The following COL5A1 variants were observed in gnomAD, a reference collection of about 807,000 sequenced individuals.
COL5A1 encodes collagen alpha-1(V) chain.
In COL5A1, 16 loss-of-function variants were observed where a neutral mutation model predicts 263.7. The observed-to-expected ratio is 0.06, with a 90% CI of 0.04 to 0.09. COL5A1 has a LOEUF of 0.09. COL5A1 is among the 10% of genes least tolerant of loss of function. The probability of loss-of-function intolerance (pLI) is 1.00; values close to 1 mark genes in which losing one functional copy is unlikely to be tolerated. For missense variants in COL5A1, 2,036 were observed against 2,540.5 expected, an observed-to-expected ratio of 0.80 and a Z score of 4.27; for synonymous variants, 1,012 against 1,004.5, an observed-to-expected ratio of 1.01 and a Z score of -0.14.
chr9:134,701,419 C>G (rs1002895119), intron 4 of COL5A1, 86 bp downstream of exon 4: 3 of 1,390,742 alleles, frequency 2.2e-6, no homozygotes, highest in Non-Finnish European at 3.0e-6. Flanking sequence ...GGAGGCTCCT[C>G]GGGCCGGGAC....
In COL5A1 at chr9:134,731,498, A is replaced by C; in HGVS notation, c.1167A>C (p.Pro389=). 1 of 1,614,156 alleles carries C rather than the reference A, an allele frequency of 6.2e-7. No individual in the cohort carries two copies. Among genetic ancestry groups the C allele is most frequent in the Non-Finnish European group, 8.5e-7 (1 of 1,180,014 alleles). Residue 389 remains proline, a splice_region_variant and synonymous_variant, in exon 8 of 66, where the codon CCA becomes CCC. Coordinates refer to ENST00000371817, the MANE Select transcript of COL5A1 (RefSeq NM_000093.5). Reference sequence around the variant, plus strand: ...TGCGCCTTCCTCTCCCTCTGCAGCCAGCTCCGCCTCCAGGGGAAGGTGCGG... The same window carrying C: ...TGCGCCTTCCTCTCCCTCTGCAGCCCGCTCCGCCTCCAGGGGAAGGTGCGG... ...STADTSNSSN[P]APPPGEGADD... is the part of the protein sequence containing the mutation.
At chr9:134,725,868 G>A (rs1450659325) in intron 4 of COL5A1, among the ~76,000 whole-genome samples, 2 of 152,166 alleles carry the variant, frequency 1.3e-5, no homozygotes, top group African/African-American at 4.8e-5. Context: ...TAGACATGTG[G>A]GTTGCATTTA....
rs556067439 is a variant in COL5A1, at chr9:134,820,420, G to A, written c.4554+197G>A. 2.3e-3 allele frequency among the ~76,000 whole-genome samples: 352 copies of A among 152,286 alleles called. 3 individuals are homozygous for A. Among genetic ancestry groups the A allele is most frequent in the African/African-American group, 7.2e-3 (301 of 41,568 alleles). ...GGTGCACAGTGAGCTGGGCAGAGCC[G>A]TCTCCCAGCTCCATGCCCTGACTGG... On this transcript the variant is annotated intron_variant, in intron 58 of 65. Coordinates refer to ENST00000371817, the MANE Select transcript of COL5A1 (RefSeq NM_000093.5).
At chr9:134,831,933 T>C (rs1839648203) in intron 64 of COL5A1, among the ~76,000 whole-genome samples, 1 of 152,150 alleles carries the variant, frequency 6.6e-6, no homozygotes, top group South Asian at 2.1e-4. Context: ...GTGAATATCA[T>C]ACGTGGACAA....
At chr9:134,724,310 C>T (rs992280079) in intron 4 of COL5A1, among the ~76,000 whole-genome samples, 2 of 152,320 alleles carry the variant, frequency 1.3e-5, no homozygotes, top group South Asian at 2.1e-4. Context: ...TCAATGCTGC[C>T]GTTTTATGCT....
chr9:134,809,110 T>C, intron 42 of COL5A1, 73 bp from the exon 43 acceptor site: 1 of 1,263,808 alleles, frequency 7.9e-7, no homozygotes, highest in Non-Finnish European at 1.1e-6. Flanking sequence ...ATCCCTCTCT[T>C]GGGTAATGAG....
intron 11 of COL5A1, among the ~76,000 whole-genome samples, chr9:134,748,106 CAT>C (rs1564429138): frequency 2.5e-5 from 2 of 79,516 alleles, no homozygotes; most frequent in African/African-American, 9.4e-5. Flanking sequence ...TGCATCCACA[CAT>C]GCATACACAG....
rs2132639092 is a variant in COL5A1, at chr9:134,730,268, C to T, written c.957C>T (p.Pro319=). ...ELTPTPTEAA[P]MPETSEGAGK... is the part of the protein sequence containing the mutation. Reference sequence around the variant, plus strand: ...CCCCGACCCCCACGGAAGCTGCTCCCATGCCTGAAACCAGTGAAGGGGCTG... The same window carrying T: ...CCCCGACCCCCACGGAAGCTGCTCCTATGCCTGAAACCAGTGAAGGGGCTG... The change falls in exon 7 of 66, where the codon CCC becomes CCT. Residue 319 remains proline, a synonymous_variant. Coordinates refer to ENST00000371817, the MANE Select transcript of COL5A1 (RefSeq NM_000093.5). 6.2e-7 allele frequency: 1 copy of T among 1,614,178 alleles called. No individual in the cohort carries two copies. The highest frequency in any genetic ancestry group is 8.5e-7 in the Non-Finnish European group (1 of 1,180,034).
At chr9:134,780,639 G>T in intron 28 of COL5A1, among the ~76,000 whole-genome samples, 1 of 152,252 alleles carries the variant, frequency 6.6e-6, no homozygotes, top group East Asian at 1.9e-4. Flanking sequence ...GCCATGGTCC[G>T]TGGGGGCAGG....
intron 4 of COL5A1, among the ~76,000 whole-genome samples, chr9:134,721,728 A>G (rs950006383): frequency 2.0e-5 from 3 of 152,246 alleles, no homozygotes; most frequent in African/African-American, 7.2e-5. Context: ...TAGCTCGTGC[A>G]GCCATGGGGC....
intron 42 of COL5A1, among the ~76,000 whole-genome samples, chr9:134,807,453 C>A (rs531621420): frequency 1.3e-5 from 2 of 152,140 alleles, no homozygotes; most frequent in African/African-American, 4.8e-5. Flanking sequence ...GCTACCACAC[C>A]CGGCTACTTT....
intron 20 of COL5A1, 112 bp downstream of exon 20, chr9:134,763,849 G>A: frequency 1.8e-6 from 2 of 1,099,924 alleles, no homozygotes; most frequent in East Asian, 2.4e-5. Flanking sequence ...AAGAGAGAGA[G>A]CTCGACCTGA....
chr9:134,727,261 T>G lies in COL5A1; in HGVS notation c.655-5T>G. Reference sequence around the variant, plus strand: ...GCTTTTTCATGAGCGTCTCTTCTTTTCCAGGGTGACATCCAGCAGCTGCTC... The same window carrying G: ...GCTTTTTCATGAGCGTCTCTTCTTTGCCAGGGTGACATCCAGCAGCTGCTC... On this transcript the variant is annotated splice_polypyrimidine_tract_variant and splice_region_variant and intron_variant, in intron 4 of 65. Transcript: ENST00000371817. The G allele has an allele frequency of 1.2e-6, 2 of 1,613,602 alleles. No individual in the cohort carries two copies. Among genetic ancestry groups the G allele is most frequent in the Non-Finnish European group, 1.7e-6 (2 of 1,179,966 alleles).
intron 1 of COL5A1, among the ~76,000 whole-genome samples, chr9:134,653,834 G>A (rs1422279087): frequency 5.3e-5 from 8 of 151,792 alleles, no homozygotes; most frequent in South Asian, 2.1e-4. Context: ...GTGCAGGGCC[G>A]GGTGTCTGTA....
At chr9:134,835,472 C>T (rs1325742646) in intron 65 of COL5A1, among the ~76,000 whole-genome samples, 4 of 152,226 alleles carry the variant, frequency 2.6e-5, no homozygotes, top group African/African-American at 9.6e-5. Context: ...GTGGGTCCCT[C>T]GCCCCATCCA....
rs138945787 is a variant in COL5A1 at position 134,678,449 on chromosome 9, G to C, written c.110-12463G>C. On this transcript the variant is annotated intron_variant, in intron 1 of 65. Coordinates refer to ENST00000371817, the MANE Select transcript of COL5A1 (RefSeq NM_000093.5). This position sits in a 1 kb window ranked among gnomAD's most constrained non-coding sequence, Gnocchi z 5.5. ...AACAGGCTCATTGCAGTGGCCTGCC[G>C]CCCCGGTGTGTGTCCCTGACTCAGG... 6.6e-6 allele frequency among the ~76,000 whole-genome samples: 1 copy of C among 152,190 alleles called. No individual in the cohort carries two copies. The highest frequency in any genetic ancestry group is 2.4e-5 in the African/African-American group (1 of 41,430).
In COL5A1 at chr9:134,664,462, C is replaced by T. The variant is rs141601362; in HGVS notation, c.109+22166C>T. On this transcript the variant is annotated intron_variant, in intron 1 of 65. Coordinates refer to ENST00000371817, the MANE Select transcript of COL5A1 (RefSeq NM_000093.5). ...TACACCTATCTGACGGAAAGGGGGT[C>T]GACCTGCAAGGAACTCCCACTGATC... 5.5e-3 allele frequency among the ~76,000 whole-genome samples: 840 copies of T among 152,326 alleles called. 3 individuals are homozygous for T. Among genetic ancestry groups the T allele is most frequent in the Middle Eastern group, 0.021 (6 of 292 alleles).
chr9:134,836,384 A>AC (rs1839855561), intron 65 of COL5A1, among the ~76,000 whole-genome samples: 1 of 152,134 alleles, frequency 6.6e-6, no homozygotes, highest in Non-Finnish European at 1.5e-5. Flanking sequence ...CGAGGGCAGC[A>AC]CCAAGCCCCG....
intron 1 of COL5A1, among the ~76,000 whole-genome samples, chr9:134,662,856 G>T (rs1832251197): frequency 6.6e-6 from 1 of 152,226 alleles, no homozygotes; most frequent in Admixed American, 6.5e-5. Context: ...CTGCACCAGA[G>T]TTGGTCACTC....
Sources: gnomAD v4.1 joint callset for allele counts (sites outside exome capture counted in the v4.1 genomes callset) on GRCh38, gnomAD v4.1.1 for gene constraint, Gnocchi (gnomAD v3.1) non-coding constraint, MANE v1.5 for transcripts, NCBI Gene and HGNC (gene_info 2026-07-23, HGNC 2026-07-21) for gene names.